TTC6: variants seen among roughly 807,000 people sequenced by gnomAD.
TTC6 encodes the protein tetratricopeptide repeat protein 6.
Under a neutral mutation model 210.4 loss-of-function variants are expected in TTC6, and 172 were observed. The observed-to-expected ratio is 0.82, with a 90% CI of 0.72 to 0.93. The LOEUF (loss-of-function observed/expected upper bound fraction) is 0.93. Ranked by LOEUF, TTC6 falls within the 40% of genes least tolerant of loss-of-function variation. The probability of loss-of-function intolerance (pLI) is 0.00; values close to 1 mark genes in which losing one functional copy is unlikely to be tolerated. For missense variants in TTC6, 2,414 were observed against 2,318.1 expected (o/e 1.04, Z -0.85); for synonymous variants, 804 against 819.6 (o/e 0.98, Z 0.32).
intron 1 of TTC6, among the ~76,000 whole-genome samples, chr14:37,652,740 T>C (rs1451763154): frequency 6.6e-6 from 1 of 152,192 alleles, no homozygotes; most frequent in Non-Finnish European, 1.5e-5. Context: ...CCCGCCTCCA[T>C]TAAGAGAAGA....
chr14:37,813,572 G>A (rs116063695), intron 25 of TTC6, among the ~76,000 whole-genome samples: 1 of 152,136 alleles, frequency 6.6e-6, no homozygotes, highest in African/African-American at 2.4e-5. Flanking sequence ...CAATGCTGCC[G>A]AATTTATAAT....
At chr14:37,731,427 A>G (rs1437126358) in intron 7 of TTC6, among the ~76,000 whole-genome samples, 1 of 152,190 alleles carries the variant, frequency 6.6e-6, no homozygotes, top group Non-Finnish European at 1.5e-5. Flanking sequence ...GAAAAACACG[A>G]CACTAAATAG....
intron 14 of TTC6, among the ~76,000 whole-genome samples, chr14:37,758,382 A>T (rs1271010959): frequency 1.3e-5 from 2 of 152,186 alleles, no homozygotes; most frequent in African/African-American, 4.8e-5. Flanking sequence ...TATTGGGTGC[A>T]TATATATTTA....
chr14:37,753,356 T>G, intron 14 of TTC6, 121 bp downstream of exon 16: 1 of 830,674 alleles, frequency 1.2e-6, no homozygotes, highest in Non-Finnish European at 1.8e-6. Context: ...CAATTTTCAG[T>G]GCCACCAGTA....
At chr14:37,680,068 T>C (rs2095779785) in intron 1 of TTC6, 83 bp from the exon 4 acceptor site, 1 of 737,332 alleles carries the variant, frequency 1.4e-6, no homozygotes, top group African/African-American at 1.8e-5. Context: ...ACTACACAAA[T>C]TGACTAGCAT....
intron 8 of TTC6, among the ~76,000 whole-genome samples, chr14:37,736,416 G>A (rs959963784): frequency 1.3e-5 from 2 of 151,972 alleles, no homozygotes; most frequent in African/African-American, 4.8e-5. Context: ...TGCTATCCTT[G>A]CTGAAGATAC....
At chr14:37,657,212 CAAAAAAA>C (rs61052302) in intron 1 of TTC6, among the ~76,000 whole-genome samples, 2 of 35,622 alleles carry the variant, frequency 5.6e-5, no homozygotes, top group African/African-American at 1.9e-4. Context: ...AACTCTGTCT[CAAAAAAA>C]AAAAAAAAAA....
At chr14:37,715,399 C>T (rs887606462) in intron 6 of TTC6, among the ~76,000 whole-genome samples, 8 of 151,932 alleles carry the variant, frequency 5.3e-5, no homozygotes, top group African/African-American at 1.9e-4. Context: ...CTGAGCAAAT[C>T]CCAAACTGGA....
intron 14 of TTC6, among the ~76,000 whole-genome samples, chr14:37,786,279 T>A (rs968983631): frequency 6.6e-6 from 1 of 152,170 alleles, no homozygotes; most frequent in African/African-American, 2.4e-5. Context: ...TCCACCCAGT[T>A]CGAGTTTCCC....
At chr14:37,680,076 C>T (rs2095779795) in intron 1 of TTC6, 75 bp from the exon 4 acceptor site, 2 of 785,604 alleles carry the variant, frequency 2.5e-6, no homozygotes, top group African/African-American at 1.8e-5. Flanking sequence ...AATTGACTAG[C>T]ATTTTAGTAT....
chr14:37,596,354 C>CAGA (rs2095604560), intron 1 of TTC6, among the ~76,000 whole-genome samples: 1 of 152,284 alleles, frequency 6.6e-6, no homozygotes, highest in Admixed American at 6.5e-5. Flanking sequence ...AGATGCCAGG[C>CAGA]AGAAGCCCGA....
At chr14:37,713,370 C>G (rs1165679258) in intron 5 of TTC6, among the ~76,000 whole-genome samples, 1 of 152,140 alleles carries the variant, frequency 6.6e-6, no homozygotes, top group Admixed American at 6.6e-5. Flanking sequence ...TCCTGAGTAG[C>G]TGGGACTACA....
intron 15 of TTC6, among the ~76,000 whole-genome samples, chr14:37,788,500 A>G (rs936913660): frequency 1.3e-5 from 2 of 152,196 alleles, no homozygotes; most frequent in African/African-American, 2.4e-5. Context: ...TCTAATTAAT[A>G]TTAAAATAAA....
At chr14:37,729,225 T>C (rs903050530) in intron 7 of TTC6, among the ~76,000 whole-genome samples, 18 of 152,124 alleles carry the variant, frequency 1.2e-4, no homozygotes, top group Non-Finnish European at 2.6e-4. Context: ...CTTAAGAAAA[T>C]ACTTACATAT....
At chr14:37,680,425 C>T (rs577020941) in intron 2 of TTC6, among the ~76,000 whole-genome samples, 164 bp downstream of exon 4, 31 of 152,204 alleles carry the variant, frequency 2.0e-4, no homozygotes, top group African/African-American at 7.5e-4. Flanking sequence ...GAGTCTTGGC[C>T]ATTTTGGCTC....
chr14:37,714,915 C>G (rs551863051), intron 6 of TTC6, 119 bp downstream of exon 8: 1 of 906,450 alleles, frequency 1.1e-6, no homozygotes. Flanking sequence ...TGGTAGCTCA[C>G]GCCTGTAATC....
intron 29 of TTC6, among the ~76,000 whole-genome samples, chr14:37,835,054 A>C (rs1486606405): frequency 6.6e-6 from 1 of 152,146 alleles, no homozygotes; most frequent in Non-Finnish European, 1.5e-5. Flanking sequence ...TCCAGTCCTC[A>C]GGCCCTGAGG....
chr14:37,652,294 G>T (rs1039823728), intron 1 of TTC6, among the ~76,000 whole-genome samples: 1 of 152,126 alleles, frequency 6.6e-6, no homozygotes, highest in Non-Finnish European at 1.5e-5. Context: ...GTTGAGGAGC[G>T]ATGGTGAACA....
chr14:37,822,461 G>A (rs1237935455), intron 26 of TTC6, among the ~76,000 whole-genome samples: 10 of 152,132 alleles, frequency 6.6e-5, no homozygotes, highest in Admixed American at 6.5e-4. Context: ...GGGCAAAGTA[G>A]TGATACATCT....
Sources: gnomAD v4.1 joint callset for allele counts (sites outside exome capture counted in the v4.1 genomes callset) on GRCh38, gnomAD v4.1.1 for gene constraint, MANE v1.5 for transcripts, NCBI Gene and HGNC (gene_info 2026-07-23, HGNC 2026-07-21) for gene names.